Variants in PARN observed in about 807,000 individuals in gnomAD.
The protein encoded by PARN is poly(A)-specific ribonuclease, also known as poly(A)-specific ribonuclease PARN.
A neutral mutation model predicts 102.8 loss-of-function variants in PARN; 71 were observed. That is an observed-to-expected ratio of 0.69 (90% CI 0.57 to 0.84). PARN has a LOEUF of 0.84. Among genes scored for constraint, PARN ranks in the 40% least tolerant of loss-of-function variants. PARN has a pLI of 0.00. For missense variants in PARN, 782 were observed against 760.9 expected, an observed-to-expected ratio of 1.03 and a Z score of -0.33; for synonymous variants, 261 against 252.9, an observed-to-expected ratio of 1.03 and a Z score of -0.30.
intron 17 of PARN, among the ~76,000 whole-genome samples, chr16:14,581,838 C>T (rs749538697): frequency 2.4e-4 from 36 of 152,164 alleles, no homozygotes; most frequent in Non-Finnish European, 4.3e-4. Flanking sequence ...AGGAGTTCAG[C>T]GTTGCAGTAA....
At chr16:14,561,157 C>CAAAAA (rs749716960) in intron 18 of PARN, among the ~76,000 whole-genome samples, 1 of 57,182 alleles carries the variant, frequency 1.7e-5, no homozygotes, top group Non-Finnish European at 3.6e-5. Flanking sequence ...AACTCCGTCT[C>CAAAAA]AAAAAAAAAA....
intron 18 of PARN, among the ~76,000 whole-genome samples, chr16:14,561,642 G>A (rs972714108): frequency 2.6e-5 from 4 of 152,092 alleles, no homozygotes; most frequent in African/African-American, 9.7e-5. Context: ...TGAGACTCCT[G>A]TCTTTACAAA....
chr16:14,501,517 A>C (rs1242996854), intron 21 of PARN: 1 of 150,950 alleles, frequency 6.6e-6, no homozygotes. Context: ...AAAATAGAAA[A>C]GAAAGTCAGC....
intron 20 of PARN, 148 bp from the exon 21 acceptor site, chr16:14,552,243 CAG>C (rs970651991): frequency 3.1e-5 from 18 of 588,448 alleles, no homozygotes; most frequent in African/African-American, 2.4e-4. Context: ...CTCAGCCCTA[CAG>C]AGAGTTAGCC....
Position 14,446,978 on chromosome 16 carries a change from C to G in PARN, c.1774G>C (p.Glu592Gln). 1.2e-6 allele frequency: 2 copies of G among 1,613,806 alleles called. No individual in the cohort carries two copies. The highest frequency in any genetic ancestry group is 1.7e-6 in the Non-Finnish European group (2 of 1,179,726). Residue 592 changes from glutamate (E) to glutamine (Q), a missense_variant, in exon 23 of 24, where the codon GAG becomes CAG. Transcript: ENST00000437198. ...GGCTCTGCACAGGAATCGGTCTGCT[C>G]AAGCTCAGTGTCGGAAATCTCCCCT... ...VSGEISDTEL[E>Q]QTDSCAEPLS...
chr16:14,506,972 GACTT>G (rs1964929708), intron 21 of PARN, among the ~76,000 whole-genome samples: 1 of 151,906 alleles, frequency 6.6e-6, no homozygotes. Flanking sequence ...TTTTGAAAAA[GACTT>G]AATGTTGGAG....
intron 21 of PARN, among the ~76,000 whole-genome samples, chr16:14,487,869 G>GACGGTCACTTTATTAT (rs1350664643): frequency 3.3e-5 from 5 of 152,186 alleles, no homozygotes; most frequent in Non-Finnish European, 7.3e-5. Flanking sequence ...GTACACCAAA[G>GACGGTCACTTTATTAT]ACGGTCACTT....
At chr16:14,575,878 T>C (rs547077603) in intron 18 of PARN, among the ~76,000 whole-genome samples, 154 of 152,184 alleles carry the variant, frequency 1.0e-3, no homozygotes, top group African/African-American at 3.4e-3. Context: ...TGGGAGGTGA[T>C]ACAATTATGG....
At chr16:14,525,302 C>G (rs1345289915) in intron 21 of PARN, among the ~76,000 whole-genome samples, 3 of 152,144 alleles carry the variant, frequency 2.0e-5, no homozygotes, top group African/African-American at 7.2e-5. Flanking sequence ...ACTCAGGATG[C>G]CTAGTTTGAA....
At chr16:14,440,081 A>G (rs1269961909) in intron 23 of PARN, among the ~76,000 whole-genome samples, 1 of 152,166 alleles carries the variant, frequency 6.6e-6, no homozygotes, top group East Asian at 1.9e-4. Context: ...AAGAAAAACC[A>G]ACCTAGAAGA....
At chr16:14,461,020 G>A (rs1466160918) in intron 22 of PARN, among the ~76,000 whole-genome samples, 2 of 152,214 alleles carry the variant, frequency 1.3e-5, no homozygotes, top group Non-Finnish European at 2.9e-5. Context: ...ATGTTCCCTT[G>A]ATATGAAGTG....
At chr16:14,451,869 C>CAAAAA (rs869041563) in intron 22 of PARN, among the ~76,000 whole-genome samples, 18 of 52,492 alleles carry the variant, frequency 3.4e-4, no homozygotes, top group East Asian at 9.8e-4. Flanking sequence ...AAAAAAAATA[C>CAAAAA]AAAAAAAAAA....
intron 22 of PARN, among the ~76,000 whole-genome samples, chr16:14,460,267 G>A (rs1344814936): frequency 6.6e-6 from 1 of 152,076 alleles, no homozygotes; most frequent in African/African-American, 2.4e-5. Flanking sequence ...GGATGGCCAA[G>A]AACAGCCAAA....
At chr16:14,488,850 A>G (rs1963889323) in intron 21 of PARN, among the ~76,000 whole-genome samples, 1 of 152,154 alleles carries the variant, frequency 6.6e-6, no homozygotes, top group Admixed American at 6.5e-5. Context: ...CACGAATAAT[A>G]AGAGATCAAT....
intron 21 of PARN, among the ~76,000 whole-genome samples, chr16:14,529,983 C>CAA (rs113919143): frequency 0.22 from 32,796 of 151,966 alleles, 3,905 homozygotes; most frequent in Middle Eastern, 0.31. Context: ...TCTCAGCTTC[C>CAA]AAGAGACCCC....
intron 13 of PARN, among the ~76,000 whole-genome samples, chr16:14,587,045 C>T (rs551508586): frequency 2.1e-4 from 32 of 152,242 alleles, no homozygotes; most frequent in African/African-American, 7.7e-4. Flanking sequence ...ACATAATTGC[C>T]ATGCTAGACT....
chr16:14,508,031 A>C (rs1003051798), intron 21 of PARN, among the ~76,000 whole-genome samples: 2 of 152,268 alleles, frequency 1.3e-5, no homozygotes, highest in South Asian at 4.1e-4. Context: ...AAAATATGCC[A>C]GAATGTTATC....
At chr16:14,551,647 T>C (rs1424583491) in intron 21 of PARN, among the ~76,000 whole-genome samples, 1 of 144,930 alleles carries the variant, frequency 6.9e-6, no homozygotes, top group African/African-American at 2.5e-5. Context: ...ATCTCAAATA[T>C]GTATCAACAA....
intron 21 of PARN, among the ~76,000 whole-genome samples, chr16:14,531,450 G>A (rs111768381): frequency 0.014 from 2,113 of 152,024 alleles, 47 homozygotes; most frequent in African/African-American, 0.049. Context: ...CTCTAAATTA[G>A]GAACTAAAGT....
Sources: allele counts gnomAD v4.1 joint callset (sites outside exome capture counted in the v4.1 genomes callset), GRCh38; gene constraint gnomAD v4.1.1; transcripts MANE v1.5; gene names NCBI Gene and HGNC (gene_info 2026-07-23, HGNC 2026-07-21).